Variants in TNRC6A observed in about 807,000 individuals in gnomAD.
TNRC6A encodes trinucleotide repeat containing adaptor 6A.
TNRC6A carries 44 observed loss-of-function variants against 221.2 expected under a neutral mutation model. That is an observed-to-expected ratio of 0.20 (90% CI 0.16 to 0.26). TNRC6A has a LOEUF of 0.26. TNRC6A is among the 10% of genes least tolerant of loss of function. TNRC6A has a pLI of 1.00. For synonymous variants in TNRC6A, 847 were observed against 838.5 expected, an observed-to-expected ratio of 1.01 and a Z score of -0.18; for missense variants, 2,199 against 2,404.4, an observed-to-expected ratio of 0.91 and a Z score of 1.79.
At position 24,789,620 on chromosome 16, in the gene TNRC6A, C is replaced by T. The variant is rs755132687; in HGVS notation, c.978C>T (p.Val326=). 5 of 1,614,082 alleles carry T rather than the reference C, an allele frequency of 3.1e-6. No homozygotes were observed. In the South Asian group the frequency reaches 5.5e-5, roughly 18 times the overall value. ...SHGAIISTCQ[V]SVDAPESKSE... ...GAGCCATAATAAGCACATGTCAGGT[C>T]TCTGTGGATGCTCCTGAAAGCAAAT... The change falls in exon 6 of 25, where the codon GTC becomes GTT. Residue 326 remains valine (V), a synonymous_variant. Transcript: ENST00000395799.
At chr16:24,792,518 T>C (rs1395793434) in intron 6 of TNRC6A, among the ~76,000 whole-genome samples, 1 of 151,826 alleles carries the variant, frequency 6.6e-6, no homozygotes, top group East Asian at 1.9e-4. Flanking sequence ...AAGTATAGTT[T>C]GTTGTATTAA....
At position 24,695,060 on chromosome 16, in the gene TNRC6A, G is replaced by A. The variant is rs531767633; in HGVS notation, n.402+54051G>A. ...TAATTTGATTCAGAAAACCCACATC[G>A]GATAATGTGACATTGCTTGCTGGCA... is the stretch of plus-strand genomic sequence containing the variant. On this transcript the variant is annotated intron_variant and non_coding_transcript_variant, in intron 2 of 2. Transcript: ENST00000566108. Among the ~76,000 whole-genome samples the A allele has an allele frequency of 3.1e-4, 47 of 152,236 alleles. No homozygotes were observed. The East Asian group carries it at 7.3e-3, about 24-fold the overall frequency.
chr16:24,677,388 C>T (rs1438977538), intron 2 of TNRC6A, among the ~76,000 whole-genome samples: 3 of 152,116 alleles, frequency 2.0e-5, no homozygotes, highest in Non-Finnish European at 2.9e-5. Context: ...GTCTAAAACT[C>T]CTGACCTCAA....
chr16:24,790,781 A>G lies in TNRC6A; in HGVS notation c.2139A>G (p.Leu713=). The G allele has an allele frequency of 6.2e-7, 1 of 1,614,172 alleles. No individual in the cohort carries two copies. The highest frequency in any genetic ancestry group is 1.6e-4 in the Middle Eastern group (1 of 6,062). Residue 713 remains leucine (L), a synonymous_variant, in exon 6 of 25, where the codon TTA becomes TTG. Transcript: ENST00000395799. ...LLQSIVNRTD[L]DPRVLSNSGW... is the part of the protein sequence containing the mutation. ...AAAGCATTGTAAACAGAACTGACTT[A>G]GATCCACGTGTCCTGTCCAACTCTG...
chr16:24,726,798 T>G (rs576494543), upstream of TNRC6A, among the ~76,000 whole-genome samples: 1 of 152,180 alleles, frequency 6.6e-6, no homozygotes, highest in Non-Finnish European at 1.5e-5. Context: ...AATGATTACT[T>G]AGTAAAAAGA....
At chr16:24,756,197 A>G (rs921322379) in intron 3 of TNRC6A, among the ~76,000 whole-genome samples, 1 of 152,184 alleles carries the variant, frequency 6.6e-6, no homozygotes, top group Non-Finnish European at 1.5e-5. Flanking sequence ...AATATTAGAA[A>G]TTTGGTGTGT....
chr16:24,621,629 A>T (rs1900681524), intron 1 of TNRC6A, among the ~76,000 whole-genome samples: 1 of 152,052 alleles, frequency 6.6e-6, no homozygotes, highest in Non-Finnish European at 1.5e-5. Context: ...AAGTGCTGGG[A>T]TTACAGATGT....
chr16:24,820,621 G>A (rs1205208714), intron 22 of TNRC6A, among the ~76,000 whole-genome samples: 1 of 152,204 alleles, frequency 6.6e-6, no homozygotes, highest in Non-Finnish European at 1.5e-5. Flanking sequence ...CTCATGGCAG[G>A]CTTAAACCAC....
intron 5 of TNRC6A, among the ~76,000 whole-genome samples, chr16:24,785,318 A>T (rs561178190): frequency 2.3e-4 from 35 of 152,376 alleles, no homozygotes; most frequent in Admixed American, 1.1e-3. Flanking sequence ...ACAATTTCTT[A>T]TAACTGAATT....
chr16:24,791,874 T>A (rs2058109452), intron 6 of TNRC6A, 57 bp downstream of exon 6: 2 of 1,441,234 alleles, frequency 1.4e-6, no homozygotes, highest in South Asian at 3.1e-5. Flanking sequence ...ATTATAAGAT[T>A]TGTATAACAA....
chr16:24,781,040 AC>A (rs2057831925), intron 5 of TNRC6A, among the ~76,000 whole-genome samples: 1 of 72,232 alleles, frequency 1.4e-5, no homozygotes, highest in African/African-American at 7.1e-5. Context: ...AAGCCTCCAT[AC>A]TCTTTTTTTT....
chr16:24,814,409 C>CTTTCTTTTTTTT (rs1555510325), intron 18 of TNRC6A, among the ~76,000 whole-genome samples: 1 of 116,766 alleles, frequency 8.6e-6, no homozygotes. Flanking sequence ...TTTTTTTTTT[C>CTTTCTTTTTTTT]TTTTTTTTTT....
At chr16:24,702,826 G>C (rs1026788612) in intron 2 of TNRC6A, among the ~76,000 whole-genome samples, 2 of 151,900 alleles carry the variant, frequency 1.3e-5, no homozygotes, top group African/African-American at 2.4e-5. Context: ...ATGAGGTCAG[G>C]AGATCGAGAC....
intron 2 of TNRC6A, among the ~76,000 whole-genome samples, chr16:24,649,816 CTTTTTTTTTTTTT>C (rs35308503): frequency 3.3e-4 from 26 of 78,896 alleles, no homozygotes; most frequent in Non-Finnish European, 4.4e-4. Flanking sequence ...CTCTCTCTCT[CTTTTTTTTTTTTT>C]TTTTTTTTTT....
intron 2 of TNRC6A, among the ~76,000 whole-genome samples, chr16:24,643,672 G>A (rs1196368428): frequency 6.6e-6 from 1 of 152,084 alleles, no homozygotes; most frequent in Non-Finnish European, 1.5e-5. Context: ...CTTCTGTAGT[G>A]GACATTCTAT....
chr16:24,785,169 A>G (rs1347180142), intron 5 of TNRC6A, among the ~76,000 whole-genome samples: 1 of 152,224 alleles, frequency 6.6e-6, no homozygotes, highest in East Asian at 1.9e-4. Context: ...CTGGCAATGC[A>G]GTGCTGTTCA....
chr16:24,674,694 C>CCACA (rs3219528), intron 2 of TNRC6A, among the ~76,000 whole-genome samples: 2,761 of 146,232 alleles, frequency 0.019, 31 homozygotes, highest in Non-Finnish European at 0.03. Context: ...ACTGCCCCCA[C>CCACA]CACACACACA....
At chr16:24,764,518 T>C (rs1462140162) in intron 4 of TNRC6A, among the ~76,000 whole-genome samples, 1 of 152,062 alleles carries the variant, frequency 6.6e-6, no homozygotes, top group Non-Finnish European at 1.5e-5. Context: ...AGACGGGGTT[T>C]CACCATGTTG....
At position 24,694,016 on chromosome 16, in the gene TNRC6A, G is replaced by T. The variant is rs188398055; in HGVS notation, n.402+53007G>T. 1.3e-3 allele frequency among the ~76,000 whole-genome samples: 193 copies of T among 152,294 alleles called. 1 individual carries two copies. The highest frequency in any genetic ancestry group is 2.8e-4 in the Non-Finnish European group (19 of 68,028). On this transcript the variant is annotated intron_variant and non_coding_transcript_variant, in intron 2 of 2. Transcript: ENST00000566108. ...TATTATTATTCTGGGACATGTATGG[G>T]GTCATCCCCAAGGACAAGAGGAGAA...
Sources: allele counts gnomAD v4.1 joint callset (sites outside exome capture counted in the v4.1 genomes callset), GRCh38; gene constraint gnomAD v4.1.1; transcripts MANE v1.5; gene names NCBI Gene and HGNC (gene_info 2026-07-23, HGNC 2026-07-21).